FAM149A: variants seen among roughly 807,000 people sequenced by gnomAD.
FAM149A encodes protein FAM149A.
Under a neutral mutation model 78.2 loss-of-function variants are expected in FAM149A, and 71 were observed. The observed-to-expected ratio is 0.91, with a 90% CI of 0.75 to 1.11. FAM149A has a LOEUF of 1.11. Ranked by LOEUF, FAM149A falls within the 50% of genes least tolerant of loss-of-function variation. The pLI, the probability that FAM149A is intolerant of heterozygous loss-of-function variation, is 0.00. For missense variants in FAM149A, 1,036 were observed against 971.0 expected (o/e 1.07, Z -0.89); for synonymous variants, 446 against 410.5 (o/e 1.09, Z -1.04).
chr4:186,154,026 G>A (rs949107472), intron 5 of FAM149A, among the ~76,000 whole-genome samples: 12 of 152,138 alleles, frequency 7.9e-5, no homozygotes, highest in African/African-American at 2.7e-4. Flanking sequence ...TACCTTCCAT[G>A]TTTGTTCCAA....
Position 186,149,269 on chromosome 4 carries a change from T to A in FAM149A, c.663T>A (p.Ile221=), listed in dbSNP as rs550313434. ...TTACAAGAAATGTGCAGAAAGCCAT[T>A]GATAAATATACCTGGTAAGAATTCA... The change falls in exon 2 of 14, where the codon ATT becomes ATA. Residue 221 remains isoleucine (I), a synonymous_variant. Coordinates refer to ENST00000389354, the MANE Select transcript of FAM149A (RefSeq NM_001367768.3). 7.8e-7 allele frequency: 1 copy of A among 1,288,472 alleles called. No individual in the cohort carries two copies. The highest frequency in any genetic ancestry group is 5.6e-5 in the East Asian group (1 of 18,004). The allele number at this position is 1,288,472 out of a possible 1,614,324, so 79.8% of individuals were successfully genotyped here.
chr4:186,153,158 CT>C (rs1159540868), intron 4 of FAM149A: 1 of 632,060 alleles, frequency 1.6e-6, no homozygotes, highest in Non-Finnish European at 2.0e-6. Context: ...CACACTTATT[CT>C]TGTCACTGCT....
chr4:186,172,218 G>A lies in FAM149A; in HGVS notation c.*231G>A. 1 of 494,350 alleles carries A rather than the reference G, an allele frequency of 2.0e-6. No individual in the cohort carries two copies. 30.6% of individuals were successfully genotyped at this position (494,350 alleles called of 1,614,324 possible). Reference sequence around the variant, plus strand: ...TGAAAGCATCTCCAAGGTTCTGTAGGCTTTGTTCAGAAGCCCCTGATGTGT... The same window carrying A: ...TGAAAGCATCTCCAAGGTTCTGTAGACTTTGTTCAGAAGCCCCTGATGTGT... On this transcript the variant is annotated 3_prime_UTR_variant, in exon 14 of 14. Coordinates refer to ENST00000389354, the MANE Select transcript of FAM149A (RefSeq NM_001367768.3).
At position 186,171,911 on chromosome 4, in the gene FAM149A, C is replaced by T; in HGVS notation, c.2219-3C>T. Reference sequence around the variant, plus strand: ...AGAATTACCTTTTGCTTGGTGTTTCCAGGTTCACAATATGTGCCTAAATCT... The same window carrying T: ...AGAATTACCTTTTGCTTGGTGTTTCTAGGTTCACAATATGTGCCTAAATCT... On this transcript the variant is annotated splice_region_variant and splice_polypyrimidine_tract_variant and intron_variant, in intron 13 of 13. Transcript: ENST00000389354. The T allele has an allele frequency of 6.2e-7, 1 of 1,601,906 alleles. No individual in the cohort carries two copies. Among genetic ancestry groups the T allele is most frequent in the Non-Finnish European group, 8.5e-7 (1 of 1,175,382 alleles).
intron 8 of FAM149A, among the ~76,000 whole-genome samples, chr4:186,159,338 T>G (rs974695281): frequency 1.3e-5 from 2 of 151,952 alleles, no homozygotes; most frequent in African/African-American, 4.8e-5. Flanking sequence ...TCTTTTACAT[T>G]GAAGGTAAAA....
At chr4:186,128,144 C>T (rs2099319194) in intron 1 of FAM149A, among the ~76,000 whole-genome samples, 1 of 151,842 alleles carries the variant, frequency 6.6e-6, no homozygotes, top group Admixed American at 6.6e-5. Flanking sequence ...GTGCATGCCA[C>T]CATGCCCCAC....
rs989932390 is a variant in FAM149A at position 186,149,563 on chromosome 4, C to A, written c.678-30C>A. On this transcript the variant is annotated intron_variant, in intron 2 of 13. Coordinates refer to ENST00000389354, the MANE Select transcript of FAM149A (RefSeq NM_001367768.3). ...ATTTCTTTGCTCATGTTCATTCCTG[C>A]AGCAAATCCTTGTCATCCTTTTCCT... 7.8e-7 allele frequency: 1 copy of A among 1,289,842 alleles called. No individual in the cohort carries two copies. The highest frequency in any genetic ancestry group is 5.5e-5 in the East Asian group (1 of 18,026). 79.9% of individuals were successfully genotyped at this position (1,289,842 alleles called of 1,614,324 possible).
intron 1 of FAM149A, among the ~76,000 whole-genome samples, chr4:186,139,164 C>G (rs1287943007): frequency 1.3e-5 from 2 of 152,162 alleles, no homozygotes; most frequent in South Asian, 4.1e-4. Flanking sequence ...GTGACATGCT[C>G]TCATTCTTCT....
chr4:186,124,291 T>C (rs573030521), intron 1 of FAM149A: 511 of 900,446 alleles, frequency 5.7e-4, no homozygotes, highest in Non-Finnish European at 6.2e-4. Context: ...ACTTTAAGTT[T>C]TAGGGTACAT....
At chr4:186,167,498 T>TG (rs1394145103) in intron 13 of FAM149A, 4 of 445,288 alleles carry the variant, frequency 9.0e-6, no homozygotes. Flanking sequence ...CTCAATGAAC[T>TG]GGGGGCCTCA....
At position 186,144,069 on chromosome 4, in the gene FAM149A, T is replaced by TA. The variant is rs1346499581; in HGVS notation, c.567-5100dup. On this transcript the variant is annotated intron_variant, in intron 1 of 13. Coordinates refer to ENST00000389354, the MANE Select transcript of FAM149A (RefSeq NM_001367768.3). The surrounding 1 kb of genome is among the most constrained non-coding windows in gnomAD (Gnocchi z 4.2). Reference sequence around the variant, plus strand: ...CACCCAGTGCACTAACTGTCATTACTAAAATCCCTGTCGTGGGAAAGGCAT... The same window carrying TA: ...CACCCAGTGCACTAACTGTCATTACTAAAAATCCCTGTCGTGGGAAAGGCAT... The TA allele has an allele frequency of 6.6e-6, 1 of 152,108 alleles. No homozygotes were observed. The highest frequency in any genetic ancestry group is 1.5e-5 in the Non-Finnish European group (1 of 68,022). The allele number at this position is 152,108 out of a possible 1,614,324, so 9.4% of individuals were successfully genotyped here. A position where few individuals can be genotyped will look rare whatever the true frequency, so the allele number is the denominator to read the frequency against.
intron 8 of FAM149A, among the ~76,000 whole-genome samples, chr4:186,159,650 A>G (rs1016372140): frequency 6.6e-6 from 1 of 152,146 alleles, no homozygotes; most frequent in African/African-American, 2.4e-5. Context: ...AATCATAGAA[A>G]TACCCAAGAG....
At chr4:186,153,468 A>G (rs1733775172) in intron 4 of FAM149A, 177 bp from the exon 5 acceptor site, 1 of 985,286 alleles carries the variant, frequency 1.0e-6, no homozygotes, top group South Asian at 4.7e-5. Flanking sequence ...TCAGTGGAAG[A>G]ACAGTCTGGC....
intron 1 of FAM149A, chr4:186,127,324 A>C: frequency 1.0e-6 from 1 of 985,370 alleles, no homozygotes; most frequent in Non-Finnish European, 1.2e-6. Flanking sequence ...TATAAGAAGT[A>C]GGTTTACTTC....
Position 186,165,295 on chromosome 4 carries a change from C to T in FAM149A, c.1890-49C>T, listed in dbSNP as rs749370234. The T allele has an allele frequency of 1.2e-6, 2 of 1,610,094 alleles. 1 individual carries two copies. The highest frequency in any genetic ancestry group is 2.2e-5 in the South Asian group (2 of 90,708). On this transcript the variant is annotated intron_variant, in intron 10 of 13. Coordinates refer to ENST00000389354, the MANE Select transcript of FAM149A (RefSeq NM_001367768.3). ...CTCTTGGCAGATTTCCTGTCACTTG[C>T]CAGTTATCCATGTACCTGGGTGCTC...
At chr4:186,150,131 G>T (rs1323623357) in intron 3 of FAM149A, among the ~76,000 whole-genome samples, 3 of 129,102 alleles carry the variant, frequency 2.3e-5, no homozygotes, top group East Asian at 2.7e-4. Flanking sequence ...CCCTACCGCT[G>T]GGGGCGCTGT....
intron 1 of FAM149A, among the ~76,000 whole-genome samples, chr4:186,128,923 TTCTG>T (rs570022299): frequency 1.0e-3 from 156 of 151,692 alleles, no homozygotes; most frequent in African/African-American, 3.6e-3. Flanking sequence ...TCTTATGTGT[TTCTG>T]TGTGTGTGCA....
chr4:186,115,414 C>A (rs1378600001), intron 1 of FAM149A, among the ~76,000 whole-genome samples: 1 of 149,204 alleles, frequency 6.7e-6, no homozygotes, highest in Non-Finnish European at 1.5e-5. Flanking sequence ...CATTCTCCAT[C>A]CAGCTTTGTT....
intron 1 of FAM149A, among the ~76,000 whole-genome samples, chr4:186,106,725 A>G (rs944356860): frequency 6.6e-6 from 1 of 152,290 alleles, no homozygotes; most frequent in Admixed American, 6.5e-5. Flanking sequence ...AGGCGGGCGG[A>G]TCATGAGGTC....
Sources: gnomAD v4.1 joint callset for allele counts (sites outside exome capture counted in the v4.1 genomes callset) on GRCh38, gnomAD v4.1.1 for gene constraint, Gnocchi (gnomAD v3.1) non-coding constraint, MANE v1.5 for transcripts, NCBI Gene and HGNC (gene_info 2026-07-23, HGNC 2026-07-21) for gene names.